The following COL22A1 variants were observed in gnomAD, a reference collection of about 807,000 sequenced individuals.
COL22A1 encodes collagen type XXII alpha 1 chain, also known as collagen alpha-1(XXII) chain.
Under a neutral mutation model 248.9 loss-of-function variants are expected in COL22A1, and 221 were observed. The ratio of observed to expected loss-of-function variants is 0.89; its 90% CI spans 0.80 to 0.99. COL22A1 has a LOEUF of 0.99. Ranked by LOEUF, COL22A1 falls within the 50% of genes least tolerant of loss-of-function variation. COL22A1 has a pLI of 0.00. For synonymous variants in COL22A1, 891 were observed against 793.4 expected (o/e 1.12, Z -2.07); for missense variants, 2,240 against 2,179.0 (o/e 1.03, Z -0.56).
intron 30 of COL22A1, among the ~76,000 whole-genome samples, chr8:138,707,719 C>T (rs1411730801): frequency 2.0e-5 from 3 of 152,204 alleles, no homozygotes; most frequent in East Asian, 1.9e-4. Context: ...CCTTTGAAAA[C>T]TGGCACAAGA....
rs375202260 is a variant in COL22A1 at position 138,694,395 on chromosome 8, C to T, written c.2700+113G>A. The T allele has an allele frequency of 5.2e-4, 554 of 1,068,958 alleles. No homozygotes were observed. The African/African-American group carries it at 6.3e-3, about 12-fold the overall frequency. 66.2% of individuals were successfully genotyped at this position (1,068,958 alleles called of 1,614,324 possible). A position where few individuals can be genotyped will look rare whatever the true frequency, so the allele number is the denominator to read the frequency against. On this transcript the variant is annotated intron_variant, in intron 34 of 64. Transcript: ENST00000303045. ...AGCACATTGGGGCTGCTCTGCCCAGCGTCTACTCCCAAAATGCCAGGGGAG... is the reference window on the plus strand; with the variant it reads ...AGCACATTGGGGCTGCTCTGCCCAGTGTCTACTCCCAAAATGCCAGGGGAG...
chr8:138,623,864 C>T, intron 51 of COL22A1, 79 bp from the exon 52 acceptor site: 1 of 1,284,824 alleles, frequency 7.8e-7, no homozygotes, highest in Non-Finnish European at 1.1e-6. Flanking sequence ...TTCAGCATGT[C>T]TTCCTGCCCA....
At chr8:138,798,720 T>C (rs187292180) in intron 11 of COL22A1, among the ~76,000 whole-genome samples, 14 of 152,348 alleles carry the variant, frequency 9.2e-5, no homozygotes, top group African/African-American at 3.1e-4. Context: ...GTTAATTTTA[T>C]TGGAGTTTCC....
intron 9 of COL22A1, among the ~76,000 whole-genome samples, chr8:138,810,071 GA>G (rs1306267973): frequency 6.6e-6 from 1 of 152,204 alleles, no homozygotes; most frequent in Non-Finnish European, 1.5e-5. Context: ...TGCTGTCATG[GA>G]AATAGCAGGT....
chr8:138,878,281 G>A lies in COL22A1; in HGVS notation c.127C>T (p.Leu43=). The change falls in exon 3 of 65, where the codon CTG becomes TTG. Residue 43 remains leucine (L), a synonymous_variant. Transcript: ENST00000303045. Reference sequence around the variant, plus strand: ...TTGCCCACGCTGGAGGAGGTGTCCAGGAGGAAGACCAGATCGTAGTGGACA... The same window carrying A: ...TTGCCCACGCTGGAGGAGGTGTCCAAGAGGAAGACCAGATCGTAGTGGACA... ...KSVHYDLVFL[L]DTSSSVGKED... The A allele has an allele frequency of 1.3e-6, 2 of 1,576,846 alleles. No homozygotes were observed. The highest frequency in any genetic ancestry group is 1.7e-6 in the Non-Finnish European group (2 of 1,160,960).
chr8:138,851,525 C>T (rs530925069), intron 3 of COL22A1, among the ~76,000 whole-genome samples: 1 of 152,308 alleles, frequency 6.6e-6, no homozygotes, highest in Non-Finnish European at 1.5e-5. Flanking sequence ...TGGGTGCCAG[C>T]CATCACCCAT....
At chr8:138,796,923 C>A in intron 11 of COL22A1, 66 bp from the exon 12 acceptor site, 2 of 1,000,862 alleles carry the variant, frequency 2.0e-6, no homozygotes, top group South Asian at 2.6e-5. Flanking sequence ...TTGCAAATGG[C>A]AACATCATCC....
intron 42 of COL22A1, among the ~76,000 whole-genome samples, chr8:138,662,715 G>A (rs1263329350): frequency 2.6e-5 from 4 of 152,066 alleles, no homozygotes; most frequent in Non-Finnish European, 5.9e-5. Flanking sequence ...GGCCTTCACA[G>A]ACCTCCTCTC....
intron 27 of COL22A1, among the ~76,000 whole-genome samples, chr8:138,717,254 T>A (rs1829514817): frequency 6.6e-6 from 1 of 152,014 alleles, no homozygotes; most frequent in Admixed American, 6.6e-5. Context: ...TTCACACCAT[T>A]CTCCCACCTC....
chr8:138,904,038 G>T (rs1278685214), intron 1 of COL22A1, among the ~76,000 whole-genome samples: 1 of 152,146 alleles, frequency 6.6e-6, no homozygotes, highest in East Asian at 1.9e-4. Context: ...TTGCACGAGA[G>T]AAATATTTCC....
intron 39 of COL22A1, among the ~76,000 whole-genome samples, chr8:138,681,935 A>T (rs1825994077): frequency 2.0e-5 from 3 of 152,176 alleles, no homozygotes; most frequent in Admixed American, 2.0e-4. Context: ...TAAGCTTGGG[A>T]TGTTTACAGA....
At position 138,595,273 on chromosome 8, in the gene COL22A1, C is replaced by G. The variant is rs78821647; in HGVS notation, c.4433-1074G>C. Among the ~76,000 whole-genome samples the G allele has an allele frequency of 3.1e-3, 470 of 152,294 alleles. 1 individual carries two copies. The highest frequency in any genetic ancestry group is 0.011 in the African/African-American group (449 of 41,562). On this transcript the variant is annotated intron_variant, in intron 62 of 64. Transcript: ENST00000303045. ...TCTGCGACCTTGACAAATTGCTCAA[C>G]TTTTCTGAGCCTTGATTTTCTCATC...
chr8:138,789,137 C>G (rs1266215648), intron 12 of COL22A1, among the ~76,000 whole-genome samples: 1 of 152,210 alleles, frequency 6.6e-6, no homozygotes, highest in Non-Finnish European at 1.5e-5. Flanking sequence ...TCAGACGGAG[C>G]TAGAGGAGAA....
chr8:138,696,982 A>G (rs1275667296), intron 32 of COL22A1, among the ~76,000 whole-genome samples: 1 of 152,214 alleles, frequency 6.6e-6, no homozygotes, highest in Non-Finnish European at 1.5e-5. Context: ...GGATTGTTTC[A>G]GGAGACACAC....
intron 52 of COL22A1, among the ~76,000 whole-genome samples, chr8:138,622,611 G>A (rs1239232645): frequency 6.6e-6 from 1 of 152,118 alleles, no homozygotes; most frequent in Non-Finnish European, 1.5e-5. Flanking sequence ...TCCTCCCATG[G>A]ACAGGAACTA....
At chr8:138,878,881 G>A (rs1234381535) in intron 2 of COL22A1, among the ~76,000 whole-genome samples, 9 of 152,174 alleles carry the variant, frequency 5.9e-5, no homozygotes, top group Non-Finnish European at 1.2e-4. Flanking sequence ...GGTGGTGGGC[G>A]CCTATAGTCC....
At chr8:138,777,044 C>T (rs986959165) in intron 15 of COL22A1, among the ~76,000 whole-genome samples, 2 of 152,208 alleles carry the variant, frequency 1.3e-5, no homozygotes, top group Non-Finnish European at 2.9e-5. Context: ...ACCAGCAGGC[C>T]AGGCAATGGC....
At chr8:138,763,042 TG>T (rs1382596170) in intron 16 of COL22A1, among the ~76,000 whole-genome samples, 10 of 152,066 alleles carry the variant, frequency 6.6e-5, no homozygotes, top group African/African-American at 2.4e-4. Context: ...TTGATTACCC[TG>T]GGGATGATAA....
At chr8:138,607,884 C>A in intron 57 of COL22A1, 52 bp downstream of exon 57, 1 of 1,525,832 alleles carries the variant, frequency 6.6e-7, no homozygotes, top group Non-Finnish European at 9.1e-7. Flanking sequence ...GATCCACAAG[C>A]CCTTTCAAAG....
Sources: gnomAD v4.1 joint callset for allele counts (sites outside exome capture counted in the v4.1 genomes callset) on GRCh38, gnomAD v4.1.1 for gene constraint, MANE v1.5 for transcripts, NCBI Gene and HGNC (gene_info 2026-07-23, HGNC 2026-07-21) for gene names.